ARRB1: variants seen among roughly 807,000 people sequenced by gnomAD.
ARRB1 encodes the protein beta-arrestin-1.
Under a neutral mutation model 56.8 loss-of-function variants are expected in ARRB1, and 21 were observed. The observed-to-expected ratio is 0.37, with a 90% CI of 0.26 to 0.53. The LOEUF is 0.53. ARRB1 is among the 20% of genes least tolerant of loss of function. ARRB1 has a pLI of 0.88. For missense variants in ARRB1, 424 were observed against 553.7 expected (o/e 0.77, Z 2.35); for synonymous variants, 210 against 218.6 (o/e 0.96, Z 0.35).
chr11:75,266,366 G>C (rs1158836477), intron 15 of ARRB1, 92 bp from the exon 16 acceptor site: 2 of 1,056,402 alleles, frequency 1.9e-6, no homozygotes, highest in Non-Finnish European at 2.9e-6. Flanking sequence ...CTCAGAGTAT[G>C]GCTCTGGGGC....
In ARRB1 at chr11:75,306,079, A is replaced by G. The variant is rs80039910; in HGVS notation, c.21-16040T>C. Among the ~76,000 whole-genome samples the G allele has an allele frequency of 4.6e-3, 695 of 152,140 alleles. 9 individuals are homozygous for G. The highest frequency in any genetic ancestry group is 0.016 in the African/African-American group (671 of 41,508). On this transcript the variant is annotated intron_variant, in intron 1 of 15. Coordinates refer to ENST00000420843, the MANE Select transcript of ARRB1 (RefSeq NM_004041.5). Reference sequence around the variant, plus strand: ...AGGCAAAGGTCTCAACCCTCACAAGAAGCACCAAACCCACTGACCCCATTT... The same window carrying G: ...AGGCAAAGGTCTCAACCCTCACAAGGAGCACCAAACCCACTGACCCCATTT...
intron 13 of ARRB1, chr11:75,269,238 A>G (rs1324335105): frequency 1.5e-6 from 1 of 669,564 alleles, no homozygotes; most frequent in South Asian, 1.4e-5. Flanking sequence ...CAGGGGTGGG[A>G]AAGGATTGCC....
chr11:75,272,537 C>T (rs1946093145), intron 12 of ARRB1, among the ~76,000 whole-genome samples: 1 of 152,214 alleles, frequency 6.6e-6, no homozygotes, highest in Non-Finnish European at 1.5e-5. Context: ...GGGTGCTATG[C>T]CCAAAGTGTG....
chr11:75,268,860 T>C (rs1946004438), intron 14 of ARRB1, 29 bp downstream of exon 14: 1 of 1,604,520 alleles, frequency 6.2e-7, no homozygotes, highest in South Asian at 1.1e-5. Flanking sequence ...AGAGAACCCC[T>C]ACCCCAGAGA....
At chr11:75,269,078 C>T in intron 13 of ARRB1, 119 bp from the exon 14 acceptor site, 4 of 1,080,204 alleles carry the variant, frequency 3.7e-6, no homozygotes, top group Non-Finnish European at 5.6e-6. Flanking sequence ...GAGGTAGATC[C>T]AAAAGATGCC....
chr11:75,273,997 C>T, intron 11 of ARRB1, 77 bp downstream of exon 11: 4 of 1,599,538 alleles, frequency 2.5e-6, no homozygotes, highest in Non-Finnish European at 3.4e-6. Context: ...TGTCTTTGAA[C>T]TGGGGGGACC....
intron 1 of ARRB1, among the ~76,000 whole-genome samples, chr11:75,293,681 C>A (rs1429308824): frequency 6.6e-6 from 1 of 152,164 alleles, no homozygotes; most frequent in Admixed American, 6.5e-5. Context: ...TCAGTGGAGA[C>A]AAGGAACAGA....
chr11:75,283,180 TG>T, intron 5 of ARRB1, 106 bp downstream of exon 5: 1 of 1,189,646 alleles, frequency 8.4e-7, no homozygotes, highest in Non-Finnish European at 1.2e-6. Flanking sequence ...ACTGGGAAAC[TG>T]GGTGGCAGGG....
chr11:75,336,278 G>A (rs1334842424), intron 1 of ARRB1, among the ~76,000 whole-genome samples: 2 of 152,116 alleles, frequency 1.3e-5, no homozygotes, highest in Non-Finnish European at 1.5e-5. Flanking sequence ...AAGAGCACAT[G>A]GCCCTTGGGA....
chr11:75,271,734 T>A lies in ARRB1; in HGVS notation c.999-10A>T. On this transcript the variant is annotated splice_polypyrimidine_tract_variant and intron_variant, in intron 12 of 15. Transcript: ENST00000420843. The stretch of plus-strand genomic sequence containing the variant: ...AAGATCTCCCAACAGGCTGGGTGGG[T>A]CAGAGGAGGCAGGAGAAGTGGTCAG... The A allele has an allele frequency of 1.3e-6, 2 of 1,571,376 alleles. No individual in the cohort carries two copies. The highest frequency in any genetic ancestry group is 1.7e-6 in the Non-Finnish European group (2 of 1,157,992).
At chr11:75,315,501 C>T (rs545304326) in intron 1 of ARRB1, among the ~76,000 whole-genome samples, 2 of 152,310 alleles carry the variant, frequency 1.3e-5, no homozygotes, top group Non-Finnish European at 2.9e-5. Flanking sequence ...CTCTCTCTTG[C>T]TCCAACTCAC....
chr11:75,284,097 G>A, intron 4 of ARRB1, 138 bp downstream of exon 4: 3 of 842,746 alleles, frequency 3.6e-6, no homozygotes, highest in Non-Finnish European at 5.3e-6. Flanking sequence ...CAGGCTGGAG[G>A]AGGCAACGGC....
chr11:75,276,331 G>A (rs1427528804), intron 10 of ARRB1, among the ~76,000 whole-genome samples: 1 of 152,084 alleles, frequency 6.6e-6, no homozygotes, highest in East Asian at 1.9e-4. Context: ...GACAAAGTTC[G>A]ATCCATGCTC....
At chr11:75,271,538 G>A in intron 13 of ARRB1, 163 bp downstream of exon 13, 1 of 720,734 alleles carries the variant, frequency 1.4e-6, no homozygotes, top group South Asian at 2.2e-5. Flanking sequence ...GGTGAGGTTT[G>A]TTAAGGAGAA....
At chr11:75,301,943 C>G (rs1176414246) in intron 1 of ARRB1, among the ~76,000 whole-genome samples, 1 of 152,134 alleles carries the variant, frequency 6.6e-6, no homozygotes, top group Non-Finnish European at 1.5e-5. Flanking sequence ...ATTTCCGGAG[C>G]CTGAGGGAGC....
intron 1 of ARRB1, among the ~76,000 whole-genome samples, chr11:75,295,453 G>A (rs1946718498): frequency 6.6e-6 from 1 of 152,094 alleles, no homozygotes; most frequent in Non-Finnish European, 1.5e-5. Flanking sequence ...GGCAGCAAGA[G>A]CAGGTTCAGT....
Position 75,266,143 on chromosome 11 carries a change from T to C in ARRB1, c.*20A>G. ...GCACGAGAGTGGAGCCGGAGCCACG[T>C]GGAGGCAGGGCCGGCCCGTCTATCT... On this transcript the variant is annotated 3_prime_UTR_variant, in exon 16 of 16. Transcript: ENST00000420843. 6.3e-7 allele frequency: 1 copy of C among 1,597,844 alleles called. No individual in the cohort carries two copies. Among genetic ancestry groups the C allele is most frequent in the Non-Finnish European group, 8.6e-7 (1 of 1,165,266 alleles).
intron 13 of ARRB1, 130 bp from the exon 14 acceptor site, chr11:75,269,089 C>T (rs907959250): frequency 1.3e-5 from 13 of 979,510 alleles, no homozygotes; most frequent in Non-Finnish European, 2.1e-5. Context: ...AAAAGATGCC[C>T]TCCAGCCCCA....
intron 1 of ARRB1, among the ~76,000 whole-genome samples, chr11:75,299,101 TAC>T (rs1161821437): frequency 5.3e-5 from 8 of 151,814 alleles, no homozygotes; most frequent in Non-Finnish European, 5.9e-5. Flanking sequence ...TGCTAATTGG[TAC>T]AGAGTTCTTT....
Sources: gnomAD v4.1 joint callset for allele counts (sites outside exome capture counted in the v4.1 genomes callset) on GRCh38, gnomAD v4.1.1 for gene constraint, MANE v1.5 for transcripts, NCBI Gene and HGNC (gene_info 2026-07-23, HGNC 2026-07-21) for gene names.